The following ARHGAP24 variants were observed in gnomAD, a reference collection of about 807,000 sequenced individuals.
The protein encoded by ARHGAP24 is Rho GTPase activating protein 24.
ARHGAP24 carries 50 observed loss-of-function variants against 76.4 expected under a neutral mutation model. That is an observed-to-expected ratio of 0.65 (90% CI 0.52 to 0.83). ARHGAP24 has a LOEUF of 0.83. Ranked by LOEUF, ARHGAP24 falls within the 40% of genes least tolerant of loss-of-function variation. The pLI is 0.00. For missense variants in ARHGAP24, 930 were observed against 914.2 expected, an observed-to-expected ratio of 1.02 and a Z score of -0.22; for synonymous variants, 345 against 323.3, an observed-to-expected ratio of 1.07 and a Z score of -0.72.
intron 2 of ARHGAP24, among the ~76,000 whole-genome samples, chr4:85,619,122 A>C (rs1720625903): frequency 6.6e-6 from 1 of 152,044 alleles, no homozygotes; most frequent in African/African-American, 2.4e-5. Flanking sequence ...CCTTTAATTC[A>C]TTTTGAGTTA....
At chr4:85,500,045 A>G (rs1177613516) in intron 1 of ARHGAP24, among the ~76,000 whole-genome samples, 1 of 152,184 alleles carries the variant, frequency 6.6e-6, no homozygotes, top group African/African-American at 2.4e-5. Flanking sequence ...GAAATGTAAA[A>G]TACACACTAG....
At chr4:85,602,845 A>G (rs1361000305) in intron 2 of ARHGAP24, among the ~76,000 whole-genome samples, 1 of 152,174 alleles carries the variant, frequency 6.6e-6, no homozygotes, top group Non-Finnish European at 1.5e-5. Context: ...ATGAAAAGCA[A>G]TTTCAGTTTG....
intron 8 of ARHGAP24, among the ~76,000 whole-genome samples, chr4:85,989,510 A>C (rs1740199554): frequency 6.6e-6 from 1 of 151,786 alleles, no homozygotes; most frequent in Admixed American, 6.6e-5. Context: ...AAAAAGAAGT[A>C]GAGGGAATTC....
At position 85,942,046 on chromosome 4, in the gene ARHGAP24, T is replaced by G. The variant is rs181571994; in HGVS notation, c.392-20T>G. 67 of 1,595,996 alleles carry G rather than the reference T, an allele frequency of 4.2e-5. No individual in the cohort carries two copies. In the East Asian group the frequency reaches 6.4e-4, roughly 15 times the overall value. On this transcript the variant is annotated intron_variant, in intron 4 of 9. Coordinates refer to ENST00000395184, the MANE Select transcript of ARHGAP24 (RefSeq NM_001025616.3). ...GAAGAGATAAATTTCCCAAGTTTAC[T>G]GTGATCCTTTTTTTTTAAGGCATTT...
intron 3 of ARHGAP24, among the ~76,000 whole-genome samples, chr4:85,833,964 T>C (rs1730130592): frequency 6.6e-6 from 1 of 152,258 alleles, no homozygotes; most frequent in South Asian, 2.1e-4. Context: ...TATTTAACTT[T>C]TGTGAAGCTC....
intron 1 of ARHGAP24, among the ~76,000 whole-genome samples, chr4:85,560,408 A>G (rs920637985): frequency 9.8e-5 from 15 of 152,304 alleles, no homozygotes; most frequent in African/African-American, 3.6e-4. Context: ...GGTTCATTTC[A>G]GTAAGTCATT....
intron 2 of ARHGAP24, among the ~76,000 whole-genome samples, chr4:85,612,390 G>A (rs12108201): frequency 0.054 from 8,156 of 151,850 alleles, 724 homozygotes; most frequent in African/African-American, 0.19. Flanking sequence ...TCCACTCGGC[G>A]TGGAGTGAGC....
intron 3 of ARHGAP24, among the ~76,000 whole-genome samples, chr4:85,895,957 G>A (rs1343550840): frequency 4.6e-5 from 7 of 152,174 alleles, no homozygotes; most frequent in Non-Finnish European, 8.8e-5. Flanking sequence ...ACTGTTTGTA[G>A]TGATCAATTA....
chr4:85,662,436 C>T (rs116785460), intron 2 of ARHGAP24, among the ~76,000 whole-genome samples: 2 of 149,832 alleles, frequency 1.3e-5, no homozygotes, highest in Non-Finnish European at 2.9e-5. Context: ...CAGATGAGTT[C>T]GTTGCGAAAA....
intron 2 of ARHGAP24, among the ~76,000 whole-genome samples, chr4:85,689,283 C>G (rs1247180800): frequency 6.6e-6 from 1 of 152,136 alleles, no homozygotes; most frequent in African/African-American, 2.4e-5. Flanking sequence ...AGCTATATTA[C>G]TAAGCATTTC....
At chr4:85,628,387 A>G (rs1184715455) in intron 2 of ARHGAP24, among the ~76,000 whole-genome samples, 1 of 152,140 alleles carries the variant, frequency 6.6e-6, no homozygotes. Context: ...TGTTGTCTCA[A>G]TTTGTGGGCT....
chr4:85,486,983 G>C (rs1723082736), intron 1 of ARHGAP24, among the ~76,000 whole-genome samples: 1 of 151,620 alleles, frequency 6.6e-6, no homozygotes, highest in Non-Finnish European at 1.5e-5. Flanking sequence ...CCTTCAGCAG[G>C]AGTGACTCAT....
chr4:86,002,378 T>G lies in ARHGAP24; in HGVS notation c.*1656T>G, dbSNP rs918522689. On this transcript the variant is annotated 3_prime_UTR_variant, in exon 10 of 10. Transcript: ENST00000395184. The stretch of plus-strand genomic sequence containing the variant: ...CCCTTTTCTCTCTCTTTCCAATTAT[T>G]TAACCAGTTACTTCCACCTGGACAT... 6.6e-6 allele frequency: 1 copy of G among 152,168 alleles called. No individual in the cohort carries two copies. The highest frequency in any genetic ancestry group is 2.4e-5 in the African/African-American group (1 of 41,438). The allele number at this position is 152,168 out of a possible 1,614,324, so 9.4% of individuals were successfully genotyped here.
chr4:85,503,078 G>A (rs567621359), intron 1 of ARHGAP24, among the ~76,000 whole-genome samples: 10 of 152,288 alleles, frequency 6.6e-5, no homozygotes, highest in South Asian at 2.1e-4. Flanking sequence ...CGACTTGATC[G>A]TAGTGGATAA....
chr4:85,756,539 A>T (rs975332221), intron 3 of ARHGAP24, among the ~76,000 whole-genome samples: 1 of 152,246 alleles, frequency 6.6e-6, no homozygotes, highest in African/African-American at 2.4e-5. Flanking sequence ...GTAAAAAATG[A>T]GAAGCTTTAA....
intron 1 of ARHGAP24, among the ~76,000 whole-genome samples, chr4:85,556,511 A>C (rs1244025437): frequency 6.6e-6 from 1 of 152,130 alleles, no homozygotes; most frequent in African/African-American, 2.4e-5. Flanking sequence ...CAGCCCGAGG[A>C]CAGTCAGGGC....
intron 3 of ARHGAP24, among the ~76,000 whole-genome samples, chr4:85,905,975 C>T (rs1734750089): frequency 6.6e-6 from 1 of 152,140 alleles, no homozygotes; most frequent in African/African-American, 2.4e-5. Flanking sequence ...ACCATCAGCT[C>T]ATTTTTTCTT....
At chr4:85,944,112 C>A (rs1737112102) in intron 5 of ARHGAP24, among the ~76,000 whole-genome samples, 1 of 152,146 alleles carries the variant, frequency 6.6e-6, no homozygotes, top group Non-Finnish European at 1.5e-5. Context: ...TACGTCCTCT[C>A]CAGCATCTGT....
chr4:85,990,846 T>C (rs548535517), intron 8 of ARHGAP24: 2 of 152,102 alleles, frequency 1.3e-5, no homozygotes, highest in East Asian at 3.9e-4. Context: ...TAAAGAAATC[T>C]TATGACGTTG....
Sources: gnomAD v4.1 joint callset for allele counts (sites outside exome capture counted in the v4.1 genomes callset) on GRCh38, gnomAD v4.1.1 for gene constraint, MANE v1.5 for transcripts, NCBI Gene and HGNC (gene_info 2026-07-23, HGNC 2026-07-21) for gene names.